The following NCALD variants were observed in gnomAD, a reference collection of about 807,000 sequenced individuals.
NCALD encodes the protein neurocalcin delta, also known as neurocalcin-delta.
In NCALD, 10 loss-of-function variants were observed where a neutral mutation model predicts 18.6. That is an observed-to-expected ratio of 0.54 (90% CI 0.33 to 0.91). NCALD has a LOEUF of 0.91. NCALD is among the 40% of genes least tolerant of loss of function. The pLI is 0.03. For missense variants in NCALD, 184 were observed against 247.6 expected (o/e 0.74, Z 1.72); for synonymous variants, 88 against 87.4 (o/e 1.01, Z -0.04).
chr8:101,821,638 A>G (rs28751936), intron 4 of NCALD, among the ~76,000 whole-genome samples: 6,327 of 152,190 alleles, frequency 0.042, 325 homozygotes, highest in East Asian at 0.12. Flanking sequence ...ACATGACACT[A>G]TGGAAGTCAT....
At chr8:101,824,934 A>G (rs1813870983) in intron 4 of NCALD, among the ~76,000 whole-genome samples, 1 of 152,214 alleles carries the variant, frequency 6.6e-6, no homozygotes, top group Admixed American at 6.5e-5. Context: ...CACCAAGGTC[A>G]TTACATAGTG....
rs1428293581 is a variant in NCALD, at chr8:101,689,072, A to G, written c.*237T>C. 1.0e-5 allele frequency: 7 copies of G among 702,760 alleles called. No individual in the cohort carries two copies. In the East Asian group the frequency reaches 1.6e-4, roughly 16 times the overall value. The allele number at this position is 702,760 out of a possible 1,614,324, so 43.5% of individuals were successfully genotyped here. On this transcript the variant is annotated 3_prime_UTR_variant, in exon 4 of 4. Transcript: ENST00000220931. This position sits in a 1 kb window ranked among gnomAD's most constrained non-coding sequence, Gnocchi z 4.4. ...TAATAGTAACGATTAAAAATCATCA[A>G]ACAATGAACACCACGAAGTCTGTCC...
At chr8:101,989,497 T>C (rs1173861903) in intron 2 of NCALD, among the ~76,000 whole-genome samples, 2 of 152,236 alleles carry the variant, frequency 1.3e-5, no homozygotes, top group African/African-American at 4.8e-5. Context: ...TTTAATAGGA[T>C]GCTATGACTT....
At chr8:101,991,926 C>T (rs1821064349) in intron 2 of NCALD, among the ~76,000 whole-genome samples, 1 of 152,150 alleles carries the variant, frequency 6.6e-6, no homozygotes, top group African/African-American at 2.4e-5. Flanking sequence ...GGGGACTTGC[C>T]ATGTCACTTG....
chr8:102,009,816 T>C (rs1013159975), intron 2 of NCALD, among the ~76,000 whole-genome samples: 1 of 152,230 alleles, frequency 6.6e-6, no homozygotes, highest in African/African-American at 2.4e-5. Flanking sequence ...AGGTCAAGTC[T>C]TTCATGTCTG....
At chr8:102,035,069 A>C (rs1168432922) in intron 1 of NCALD, among the ~76,000 whole-genome samples, 1 of 152,184 alleles carries the variant, frequency 6.6e-6, no homozygotes, top group Non-Finnish European at 1.5e-5. Flanking sequence ...GGTTTTTAAA[A>C]ACTCACGTAA....
At chr8:101,959,123 T>C (rs1819743283) in intron 2 of NCALD, among the ~76,000 whole-genome samples, 1 of 152,198 alleles carries the variant, frequency 6.6e-6, no homozygotes, top group African/African-American at 2.4e-5. Flanking sequence ...AGTCACTGGT[T>C]GCATTGAATT....
chr8:101,787,689 C>T (rs1812283826), intron 1 of NCALD, among the ~76,000 whole-genome samples: 2 of 152,072 alleles, frequency 1.3e-5, no homozygotes, highest in African/African-American at 4.8e-5. Flanking sequence ...ATCCAATAAG[C>T]CAAATAAGGT....
intron 1 of NCALD, among the ~76,000 whole-genome samples, chr8:101,747,742 A>C (rs1274157364): frequency 1.4e-5 from 2 of 140,354 alleles, no homozygotes. Flanking sequence ...TTTGAGATGG[A>C]GTTTCACTCT....
At chr8:102,058,041 T>C (rs1823716522) in intron 1 of NCALD, among the ~76,000 whole-genome samples, 1 of 152,190 alleles carries the variant, frequency 6.6e-6, no homozygotes, top group Non-Finnish European at 1.5e-5. Context: ...GAAGATAATT[T>C]TCCAGCTGAG....
chr8:101,823,829 AG>A (rs1813821366), intron 4 of NCALD, among the ~76,000 whole-genome samples: 1 of 152,218 alleles, frequency 6.6e-6, no homozygotes, highest in Non-Finnish European at 1.5e-5. Context: ...ACAATTATAT[AG>A]GGGAATGCCA....
intron 2 of NCALD, among the ~76,000 whole-genome samples, chr8:101,963,622 T>C (rs571310451): frequency 6.6e-6 from 1 of 152,320 alleles, no homozygotes; most frequent in South Asian, 2.1e-4. Flanking sequence ...TTCCTGAAAC[T>C]TGCTCTTCTT....
rs370152287 is a variant in NCALD, at chr8:101,895,996, C to T, written c.-106-8769G>A. ...ATCAAGCTACCAATGACTTTCTTCA[C>T]AGAATTGGAAAAAACTACTTTAAAG... On this transcript the variant is annotated intron_variant, in intron 3 of 6. Coordinates refer to the NCALD transcript ENST00000311028. Among the ~76,000 whole-genome samples, 444 of 151,196 alleles carry T rather than the reference C, an allele frequency of 2.9e-3. 15 individuals carry two copies. The East Asian group carries it at 0.047, about 16-fold the overall frequency.
At chr8:102,087,855 C>T (rs1471982749) in intron 1 of NCALD, among the ~76,000 whole-genome samples, 3 of 151,966 alleles carry the variant, frequency 2.0e-5, no homozygotes, top group African/African-American at 7.3e-5. Context: ...CTTTCTCTGG[C>T]CTCCCTGAGC....
At chr8:101,829,488 A>G (rs7828516) in intron 4 of NCALD, among the ~76,000 whole-genome samples, 90,257 of 152,086 alleles carry the variant, frequency 0.59, 29,979 homozygotes, top group Non-Finnish European at 0.73. Context: ...GGCATTAACT[A>G]CTTTGTTATA....
chr8:101,746,451 C>CAT lies in NCALD; in HGVS notation c.-19-26805_-19-26804dup, dbSNP rs61472519. On this transcript the variant is annotated intron_variant, in intron 1 of 3. Transcript: ENST00000220931. ...AATAGCAACAACAATGGTTATGATA[C>CAT]ATATATATATATATGTTAGTGCCAT... 2.3e-3 allele frequency among the ~76,000 whole-genome samples: 345 copies of CAT among 150,802 alleles called. 1 individual carries two copies. Among genetic ancestry groups the CAT allele is most frequent in the African/African-American group, 5.6e-3 (229 of 41,216 alleles).
At chr8:101,885,189 G>C (rs1816633863) in intron 4 of NCALD, among the ~76,000 whole-genome samples, 1 of 152,138 alleles carries the variant, frequency 6.6e-6, no homozygotes, top group African/African-American at 2.4e-5. Context: ...CTGACTTAAG[G>C]AGGCTAAAGA....
chr8:102,118,355 A>G lies in NCALD; in HGVS notation c.-210+5882T>C, dbSNP rs184844899. Among the ~76,000 whole-genome samples, 20 of 152,338 alleles carry G rather than the reference A, an allele frequency of 1.3e-4. No homozygotes were observed. In the East Asian group the frequency reaches 3.5e-3, roughly 26 times the overall value. On this transcript the variant is annotated intron_variant, in intron 1 of 6. Transcript: ENST00000311028. ...TGAAGGCTTGCATGCACTGCTGGCCACTTCTGGTGGGTTCCCTGATCTTAC... is the reference window on the plus strand; with the variant it reads ...TGAAGGCTTGCATGCACTGCTGGCCGCTTCTGGTGGGTTCCCTGATCTTAC...
chr8:102,097,708 T>C (rs1193097775), intron 1 of NCALD, among the ~76,000 whole-genome samples: 1 of 152,358 alleles, frequency 6.6e-6, no homozygotes, highest in East Asian at 1.9e-4. Context: ...ACTGATTTCA[T>C]CATTTTTAGC....
Sources: allele counts gnomAD v4.1 joint callset (sites outside exome capture counted in the v4.1 genomes callset), GRCh38; gene constraint gnomAD v4.1.1; non-coding constraint Gnocchi (gnomAD v3.1); transcripts MANE v1.5; gene names NCBI Gene and HGNC (gene_info 2026-07-23, HGNC 2026-07-21).